Variants in ADORA3 observed in about 807,000 individuals in gnomAD.
ADORA3 encodes adenosine A3 receptor, also known as adenosine receptor A3.
Under a neutral mutation model 5.7 loss-of-function variants are expected in ADORA3, and 3 were observed. That is an observed-to-expected ratio of 0.52 (90% CI 0.24 to 1.35). The LOEUF (loss-of-function observed/expected upper bound fraction) is 1.35, where lower values mean the gene tolerates loss of function less well. Among genes scored for constraint, ADORA3 ranks in the 40% most tolerant of loss-of-function variants. The pLI, the probability that ADORA3 is intolerant of heterozygous loss-of-function variation, is 0.17. For missense variants in ADORA3, 343 were observed against 389.0 expected (o/e 0.88, Z 0.99); for synonymous variants, 168 against 152.3 (o/e 1.10, Z -0.76).
Position 111,499,744 on chromosome 1 carries a change from T to G in ADORA3, c.*206A>C. The G allele has an allele frequency of 7.2e-7, 1 of 1,396,344 alleles. No individual in the cohort carries two copies. The highest frequency in any genetic ancestry group is 2.7e-5 in the East Asian group (1 of 37,292). 86.5% of individuals were successfully genotyped at this position (1,396,344 alleles called of 1,614,324 possible). On this transcript the variant is annotated 3_prime_UTR_variant, in exon 2 of 2. Coordinates refer to ENST00000241356, the MANE Select transcript of ADORA3 (RefSeq NM_000677.4). ...CAAGTCAGGCCTCCAAAACACTGAA[T>G]TAGAGAGAAAGGACAAGGGAAAAAT...
intron 1 of ADORA3, among the ~76,000 whole-genome samples, chr1:111,502,329 TAC>T (rs1311702094): frequency 3.2e-4 from 29 of 89,376 alleles, no homozygotes; most frequent in East Asian, 1.3e-3. Flanking sequence ...ATATATAGGA[TAC>T]ATATATTTAT....
Position 111,499,642 on chromosome 1 carries a change from C to G in ADORA3, c.*308G>C. 8.8e-7 allele frequency: 1 copy of G among 1,140,264 alleles called. No individual in the cohort carries two copies. Among genetic ancestry groups the G allele is most frequent in the Non-Finnish European group, 1.1e-6 (1 of 923,026 alleles). The allele number at this position is 1,140,264 out of a possible 1,614,324, so 70.6% of individuals were successfully genotyped here. On this transcript the variant is annotated 3_prime_UTR_variant, in exon 2 of 2. Transcript: ENST00000241356. ...GCCTTTTGTCAGTAAGTCAACTAGG[C>G]ACCCTTCAGGCTCCATGACTTATTC... is the stretch of plus-strand genomic sequence containing the variant.
In ADORA3 at chr1:111,500,201, G is replaced by T. The variant is rs776955833; in HGVS notation, c.706C>A (p.Leu236Ile). ...FKTAKSLFLV[L>I]FLFALSWLPL... is the part of the protein sequence containing the mutation. ...AGCCATGACAGAGCAAACAAGAAAA[G>T]AACCAGAAACAAGGACTTAGCCGTC... The change falls in exon 2 of 2, where the codon CTT (leucine) becomes ATT (isoleucine). Residue 236 changes from leucine to isoleucine, a missense_variant. Leu to Ile is a conservative substitution (Grantham distance 5, BLOSUM62 2). Coordinates refer to ENST00000241356, the MANE Select transcript of ADORA3 (RefSeq NM_000677.4). 2 of 1,614,142 alleles carry T rather than the reference G, an allele frequency of 1.2e-6. No individual in the cohort carries two copies. Among genetic ancestry groups the T allele is most frequent in the South Asian group, 1.1e-5 (1 of 91,078 alleles).
At chr1:111,500,880 C>G (rs1261585987) in intron 1 of ADORA3, 1 of 449,148 alleles carries the variant, frequency 2.2e-6, no homozygotes, top group Non-Finnish European at 3.9e-6. Context: ...CAGGGCTCCA[C>G]TTACTGAGAG....
Position 111,503,482 on chromosome 1 carries a change from A to C in ADORA3, c.-128T>G. 6.9e-7 allele frequency: 1 copy of C among 1,454,814 alleles called. No homozygotes were observed. Among genetic ancestry groups the C allele is most frequent in the Non-Finnish European group, 9.1e-7 (1 of 1,102,760 alleles). 90.1% of individuals were successfully genotyped at this position (1,454,814 alleles called of 1,614,324 possible). ...TGTGCAGTGACAGTCTAAAATTCCC[A>C]ACTTGCTCATTCCTACCCTTTTCTG... is the stretch of plus-strand genomic sequence containing the variant. On this transcript the variant is annotated 5_prime_UTR_variant, in exon 1 of 2. Coordinates refer to ENST00000241356, the MANE Select transcript of ADORA3 (RefSeq NM_000677.4).
In ADORA3 at chr1:111,499,853, G is replaced by A; in HGVS notation, c.*97C>T. On this transcript the variant is annotated 3_prime_UTR_variant, in exon 2 of 2. Transcript: ENST00000241356. ...CTCCCACCTCAGTGGAAGTAATCAA[G>A]GATGTAAAAATCCCTTGGCCCAGGC... 6.5e-7 allele frequency: 1 copy of A among 1,541,224 alleles called. No homozygotes were observed. The highest frequency in any genetic ancestry group is 8.7e-7 in the Non-Finnish European group (1 of 1,147,602).
chr1:111,503,280 G>A lies in ADORA3; in HGVS notation c.75C>T (p.Cys25=), dbSNP rs368279686. 82 of 1,614,022 alleles carry A rather than the reference G, an allele frequency of 5.1e-5. No homozygotes were observed. The highest frequency in any genetic ancestry group is 6.7e-5 in the African/African-American group (5 of 74,938). The change falls in exon 1 of 2, where the codon TGC becomes TGT. Residue 25 remains cysteine (C), a synonymous_variant. Coordinates refer to ENST00000241356, the MANE Select transcript of ADORA3 (RefSeq NM_000677.4). ...TGACCAGCACGTTGCCCACTATGGC[G>A]CAGAGTCCAATGAAAATTTCCATGG... is the stretch of plus-strand genomic sequence containing the variant. The part of the protein sequence containing the change: ...YITMEIFIGL[C]AIVGNVLVIC...
At chr1:111,502,117 A>AAT (rs1436335062) in intron 1 of ADORA3, among the ~76,000 whole-genome samples, 12,266 of 62,466 alleles carry the variant, frequency 0.2, 2,713 homozygotes, top group Non-Finnish European at 0.26. Context: ...TAATATAATA[A>AAT]ATATATAGGA....
chr1:111,501,429 CAACA>C (rs1655167722), intron 1 of ADORA3: 1 of 152,082 alleles, frequency 6.6e-6, no homozygotes, highest in Non-Finnish European at 1.5e-5. Flanking sequence ...TTAAATCTCA[CAACA>C]AACAGGAGAT....
chr1:111,500,011 G>C lies in ADORA3; in HGVS notation c.896C>G (p.Ala299Gly), dbSNP rs1571411636. ...ATCAGAGGGATGGCAGACCACACAAGCTTTGAGGATCAAAAGGTAGGTTTC... is the reference window on the plus strand; with the variant it reads ...ATCAGAGGGATGGCAGACCACACAACCTTTGAGGATCAAAAGGTAGGTTTC... Reference protein sequence around the residue: ...FKETYLLILKACVVCHPSDSL... With the variant: ...FKETYLLILKGCVVCHPSDSL... The change falls in exon 2 of 2, where the codon GCT (alanine) becomes GGT (glycine). Residue 299 changes from alanine (A) to glycine (G), a missense_variant. Ala to Gly is a moderately conservative substitution (Grantham distance 60, BLOSUM62 0). Coordinates refer to ENST00000241356, the MANE Select transcript of ADORA3 (RefSeq NM_000677.4). 5 of 1,614,164 alleles carry C rather than the reference G, an allele frequency of 3.1e-6. No individual in the cohort carries two copies. Among genetic ancestry groups the C allele is most frequent in the Non-Finnish European group, 4.2e-6 (5 of 1,179,992 alleles).
Position 111,500,061 on chromosome 1 carries a change from A to G in ADORA3, c.846T>C (p.Tyr282=), listed in dbSNP as rs1655083074. 6.2e-7 allele frequency: 1 copy of G among 1,614,236 alleles called. No homozygotes were observed. The highest frequency in any genetic ancestry group is 1.1e-5 in the South Asian group (1 of 91,088). The part of the protein sequence containing the change: ...HANSMMNPIV[Y]AYKIKKFKET... ...CCTTGAACTTCTTTATTTTATAGGCATAGACGATAGGGTTCATCATGGAGT... is the reference window on the plus strand; with the variant it reads ...CCTTGAACTTCTTTATTTTATAGGCGTAGACGATAGGGTTCATCATGGAGT... Residue 282 remains tyrosine (Y), a synonymous_variant, in exon 2 of 2, where the codon TAT becomes TAC. Transcript: ENST00000241356.
Position 111,503,516 on chromosome 1 carries a change from A to G in ADORA3, c.-162T>C. 1 of 1,431,792 alleles carries G rather than the reference A, an allele frequency of 7.0e-7. No homozygotes were observed. Among genetic ancestry groups the G allele is most frequent in the Non-Finnish European group, 9.1e-7 (1 of 1,094,968 alleles). 88.7% of individuals were successfully genotyped at this position (1,431,792 alleles called of 1,614,324 possible). A position where few individuals can be genotyped will look rare whatever the true frequency, so the allele number is the denominator to read the frequency against. On this transcript the variant is annotated 5_prime_UTR_variant, in exon 1 of 2. Transcript: ENST00000241356. Reference sequence around the variant, plus strand: ...ATTCCTACCCTTTTCTGGTGGGGTGATCTCTTGGAAACCCTTCTCCTTAGA... The same window carrying G: ...ATTCCTACCCTTTTCTGGTGGGGTGGTCTCTTGGAAACCCTTCTCCTTAGA...
chr1:111,501,307 CAGTAAG>C (rs1322492872), intron 1 of ADORA3: 1 of 152,220 alleles, frequency 6.6e-6, no homozygotes, highest in East Asian at 1.9e-4. Flanking sequence ...CCTTAAAGGA[CAGTAAG>C]AGTAAGAGTC....
chr1:111,500,552 T>C lies in ADORA3; in HGVS notation c.355A>G (p.Lys119Glu). ...ATTCTTCTGTGAGTGGTGACCCTCT[T>C]GTATCTGTGTGAATGAAGAGAGTCA... ...YLRVKLTVRYKRVTTHRRIWL... is the reference protein window; with the variant it reads ...YLRVKLTVRYERVTTHRRIWL... Residue 119 changes from lysine (K) to glutamate (E), a missense_variant, in exon 2 of 2, where the codon AAG becomes GAG. Transcript: ENST00000241356. 2 of 1,613,542 alleles carry C rather than the reference T, an allele frequency of 1.2e-6. No individual in the cohort carries two copies. Among genetic ancestry groups the C allele is most frequent in the Non-Finnish European group, 1.7e-6 (2 of 1,179,536 alleles).
rs1192860214 is a variant in ADORA3, at chr1:111,500,487, CA to C, written c.419del (p.Leu140ArgfsTer4). 4 of 1,614,100 alleles carry C rather than the reference CA, an allele frequency of 2.5e-6. No homozygotes were observed. Among genetic ancestry groups the C allele is most frequent in the Middle Eastern group, 1.6e-4 (1 of 6,062 alleles). Reference sequence around the variant, plus strand: ...AGCCAAACATGGGGGTCAATCCCACCAGGAATGACACCAGCCAGCAAAGGCC... The same window carrying C: ...AGCCAAACATGGGGGTCAATCCCACCGGAATGACACCAGCCAGCAAAGGCC... ...ALGLCWLVSF[L>X]VGLTPMFGWN... On this transcript the variant is annotated frameshift_variant, in exon 2 of 2. Transcript: ENST00000241356. LOFTEE classifies it low-confidence loss of function (END_TRUNC).
chr1:111,500,319 G>C lies in ADORA3; in HGVS notation c.588C>G (p.Ile196Met). ...GAATGATGTAAAAGATGTCAAGATA[G>C]ATGGCGCACATGACAACCAGGGGGA... ...IFIPLVVMCA[I>M]YLDIFYIIRN... Residue 196 changes from isoleucine to methionine, a missense_variant, in exon 2 of 2, where the codon ATC (isoleucine) becomes ATG (methionine). Coordinates refer to ENST00000241356, the MANE Select transcript of ADORA3 (RefSeq NM_000677.4). 1 of 1,614,256 alleles carries C rather than the reference G, an allele frequency of 6.2e-7. No homozygotes were observed. Among genetic ancestry groups the C allele is most frequent in the Non-Finnish European group, 8.5e-7 (1 of 1,180,054 alleles).
chr1:111,499,512 C>T lies in ADORA3; in HGVS notation c.*438G>A. On this transcript the variant is annotated 3_prime_UTR_variant, in exon 2 of 2. Transcript: ENST00000241356. ...CCCCCTTAAACTCAGTTTATTTTTT[C>T]TGTTCCCAACATCTCCTAGGCATCC... 2.0e-6 allele frequency: 2 copies of T among 996,112 alleles called. No individual in the cohort carries two copies. Among genetic ancestry groups the T allele is most frequent in the Non-Finnish European group, 2.4e-6 (2 of 835,496 alleles). 61.7% of individuals were successfully genotyped at this position (996,112 alleles called of 1,614,324 possible). A position where few individuals can be genotyped will look rare whatever the true frequency, so the allele number is the denominator to read the frequency against.
chr1:111,502,696 T>G (rs1387674062), intron 1 of ADORA3, among the ~76,000 whole-genome samples: 1 of 151,314 alleles, frequency 6.6e-6, no homozygotes. Flanking sequence ...AGAGCATTTT[T>G]TACTAATTAA....
intron 1 of ADORA3, among the ~76,000 whole-genome samples, chr1:111,501,546 AGC>A (rs1368371812): frequency 6.6e-6 from 1 of 152,234 alleles, no homozygotes; most frequent in Non-Finnish European, 1.5e-5. Flanking sequence ...TGTTTCTAAA[AGC>A]TTTACATATG....
Sources: allele counts gnomAD v4.1 joint callset (sites outside exome capture counted in the v4.1 genomes callset), GRCh38; gene constraint gnomAD v4.1.1; transcripts MANE v1.5; gene names NCBI Gene and HGNC (gene_info 2026-07-23, HGNC 2026-07-21).